DRC8: variants seen among roughly 807,000 people sequenced by gnomAD.
DRC8 encodes the protein dynein regulatory complex protein 8.
At chr1:245,028,757 T>C in the DRC8 span, among the ~76,000 whole-genome samples, 1 of 152,176 alleles carries the variant, frequency 6.6e-6, no homozygotes, top group Non-Finnish European at 1.5e-5. Context: ...AGAATAAAAT[T>C]CAAAGAAAAG....
the DRC8 span, among the ~76,000 whole-genome samples, chr1:244,989,574 A>G: frequency 6.6e-6 from 1 of 152,170 alleles, no homozygotes. Flanking sequence ...TATCAATACA[A>G]TTGATCACTG....
the DRC8 span, among the ~76,000 whole-genome samples, chr1:245,077,707 A>T: frequency 1.3e-5 from 2 of 152,212 alleles, no homozygotes; most frequent in Non-Finnish European, 2.9e-5. Flanking sequence ...ATCTCACACC[A>T]TACACAGAAA....
chr1:244,985,175 G>A, the DRC8 span, among the ~76,000 whole-genome samples: 1 of 143,758 alleles, frequency 7.0e-6, no homozygotes, highest in East Asian at 2.0e-4. Context: ...CAATTTCTTT[G>A]TTGTTCCTGT....
At chr1:245,029,438 C>G in the DRC8 span, among the ~76,000 whole-genome samples, 4 of 152,040 alleles carry the variant, frequency 2.6e-5, no homozygotes, top group Admixed American at 2.0e-4. Context: ...GCTGGGATTA[C>G]AGGCACCCGC....
At chr1:245,084,797 G>A in the DRC8 span, among the ~76,000 whole-genome samples, 1 of 152,170 alleles carries the variant, frequency 6.6e-6, no homozygotes, top group Admixed American at 6.5e-5. Context: ...GCATCTACAC[G>A]CACAACTGGT....
the DRC8 span, among the ~76,000 whole-genome samples, chr1:245,028,150 A>G: frequency 2.6e-5 from 4 of 152,100 alleles, no homozygotes; most frequent in African/African-American, 2.4e-5. Flanking sequence ...CAGCCTCCCA[A>G]AGTGTTGGGA....
At chr1:245,110,982 C>G in the DRC8 span, among the ~76,000 whole-genome samples, 2 of 152,044 alleles carry the variant, frequency 1.3e-5, no homozygotes, top group African/African-American at 4.8e-5. Context: ...GGTATACCAG[C>G]TCACAGAGTG....
At chr1:245,030,431 T>C in the DRC8 span, among the ~76,000 whole-genome samples, 1 of 152,234 alleles carries the variant, frequency 6.6e-6, no homozygotes, top group Admixed American at 6.5e-5. Flanking sequence ...GCTTAGGTTA[T>C]ATGCAAATAC....
chr1:244,987,807 G>A, the DRC8 span, among the ~76,000 whole-genome samples: 1 of 151,802 alleles, frequency 6.6e-6, no homozygotes, highest in East Asian at 1.9e-4. Context: ...TCCTCTTGGG[G>A]CTTATTATTT....
chr1:245,077,008 A>G, the DRC8 span, among the ~76,000 whole-genome samples: 1 of 152,164 alleles, frequency 6.6e-6, no homozygotes, highest in Non-Finnish European at 1.5e-5. Context: ...TACAGGCGTG[A>G]AATACAGTTC....
At chr1:245,088,339 C>CACACACAT in the DRC8 span, among the ~76,000 whole-genome samples, 1 of 152,048 alleles carries the variant, frequency 6.6e-6, no homozygotes, top group Non-Finnish European at 1.5e-5. This position sits in a 1 kb window ranked among gnomAD's most constrained non-coding sequence, Gnocchi z 4.6. Context: ...CACACACACA[C>CACACACAT]ACACACACAC....
the DRC8 span, among the ~76,000 whole-genome samples, chr1:245,059,614 C>T: frequency 2.6e-5 from 4 of 152,216 alleles, no homozygotes; most frequent in African/African-American, 7.2e-5. Flanking sequence ...ATTAGCCAAC[C>T]AACAAAATCT....
the DRC8 span, chr1:245,123,561 C>T: frequency 1.3e-5 from 2 of 155,128 alleles, no homozygotes; most frequent in African/African-American, 4.8e-5. The surrounding 1 kb of genome is among the most constrained non-coding windows in gnomAD (Gnocchi z 5.0). Context: ...GTGGTCACAT[C>T]AGGCTGCTCA....
At chr1:245,009,988 G>A in the DRC8 span, among the ~76,000 whole-genome samples, 2 of 152,112 alleles carry the variant, frequency 1.3e-5, no homozygotes, top group East Asian at 1.9e-4. Flanking sequence ...AGCTTCCTAA[G>A]TAGCCGGGAC....
the DRC8 span, among the ~76,000 whole-genome samples, chr1:244,987,264 G>A: frequency 2.4e-4 from 36 of 151,072 alleles, no homozygotes; most frequent in East Asian, 1.4e-3. Context: ...GCAATGGCGC[G>A]TTCTCAGCTC....
the DRC8 span, among the ~76,000 whole-genome samples, chr1:244,990,086 G>A: frequency 2.6e-5 from 4 of 152,120 alleles, no homozygotes; most frequent in Admixed American, 6.6e-5. Context: ...GGGATGACCC[G>A]GGATCTCCCA....
At chr1:245,122,071 G>C in the DRC8 span, 2 of 276,860 alleles carry the variant, frequency 7.2e-6, no homozygotes, top group Middle Eastern at 1.4e-3. Context: ...GCTAATTTCT[G>C]TATTTTTAGT....
the DRC8 span, among the ~76,000 whole-genome samples, chr1:245,109,856 G>A: frequency 3.3e-5 from 5 of 152,206 alleles, no homozygotes; most frequent in South Asian, 2.1e-4. Flanking sequence ...TCAGCTCGGC[G>A]GTGGCCTGTC....
At chr1:245,016,424 G>T in the DRC8 span, among the ~76,000 whole-genome samples, 1 of 152,062 alleles carries the variant, frequency 6.6e-6, no homozygotes, top group Non-Finnish European at 1.5e-5. Flanking sequence ...CTGCCCAAGG[G>T]TCGCCTTACC....
Sources: allele counts gnomAD v4.1 joint callset (sites outside exome capture counted in the v4.1 genomes callset), GRCh38; gene constraint gnomAD v4.1.1; non-coding constraint Gnocchi (gnomAD v3.1); transcripts MANE v1.5; gene names NCBI Gene and HGNC (gene_info 2026-07-23, HGNC 2026-07-21).